Variants in FKBP5 observed in about 807,000 individuals in gnomAD.
FKBP5 encodes the protein FKBP prolyl isomerase 5.
Under a neutral mutation model 50.5 loss-of-function variants are expected in FKBP5, and 23 were observed. The ratio of observed to expected loss-of-function variants is 0.46; its 90% CI spans 0.33 to 0.65. The LOEUF is 0.65. Ranked by LOEUF, FKBP5 falls within the 30% of genes least tolerant of loss-of-function variation. The pLI is 0.02. For synonymous variants in FKBP5, 176 were observed against 190.6 expected (o/e 0.92, Z 0.63); for missense variants, 411 against 553.1 (o/e 0.74, Z 2.58).
chr6:35,596,588 C>T (rs1581798194), intron 6 of FKBP5, among the ~76,000 whole-genome samples: 1 of 152,010 alleles, frequency 6.6e-6, no homozygotes, highest in South Asian at 2.1e-4. Context: ...CAAAACACCC[C>T]GGGTTCTCTC....
At chr6:35,718,588 G>GTATAA (rs1392644900) in intron 2 of FKBP5, among the ~76,000 whole-genome samples, 1 of 152,148 alleles carries the variant, frequency 6.6e-6, no homozygotes, top group Non-Finnish European at 1.5e-5. Flanking sequence ...TACAAAGGAG[G>GTATAA]TATAAGGCCC....
chr6:35,616,799 G>A (rs2150975858), intron 5 of FKBP5, among the ~76,000 whole-genome samples: 1 of 152,154 alleles, frequency 6.6e-6, no homozygotes, highest in Admixed American at 6.5e-5. Flanking sequence ...ATCCATAGGA[G>A]TAAACCTCTA....
intron 2 of FKBP5, among the ~76,000 whole-genome samples, chr6:35,641,110 T>G (rs991925958): frequency 3.9e-5 from 6 of 152,150 alleles, no homozygotes; most frequent in African/African-American, 1.4e-4. Context: ...TCCTGAGTAG[T>G]AGAAACTACA....
intron 5 of FKBP5, among the ~76,000 whole-genome samples, chr6:35,609,214 T>C (rs964331971): frequency 5.9e-5 from 9 of 152,222 alleles, no homozygotes; most frequent in African/African-American, 1.9e-4. Context: ...TGCCTTGAGT[T>C]GTTGCTTCTT....
intron 5 of FKBP5, among the ~76,000 whole-genome samples, chr6:35,601,834 T>C (rs1399745477): frequency 2.6e-5 from 4 of 152,178 alleles, no homozygotes; most frequent in Non-Finnish European, 5.9e-5. Context: ...CTTAGGGCTT[T>C]TTTGGTAGAG....
At chr6:35,721,050 G>A (rs1766601515) in intron 1 of FKBP5, among the ~76,000 whole-genome samples, 1 of 152,152 alleles carries the variant, frequency 6.6e-6, no homozygotes. Flanking sequence ...TGACTGTCCA[G>A]AAGACAATAA....
chr6:35,727,812 C>T (rs1468775135), intron 1 of FKBP5, among the ~76,000 whole-genome samples: 1 of 152,204 alleles, frequency 6.6e-6, no homozygotes, highest in African/African-American at 2.4e-5. Context: ...GCTCCTTCTG[C>T]TCGTAGAGCT....
chr6:35,721,782 G>A (rs577315647), intron 1 of FKBP5, among the ~76,000 whole-genome samples: 218 of 152,334 alleles, frequency 1.4e-3, no homozygotes, highest in African/African-American at 4.8e-3. Context: ...GCCAAAATGC[G>A]TACTCCCAGT....
At chr6:35,654,157 C>A (rs898104597) in intron 1 of FKBP5, among the ~76,000 whole-genome samples, 1 of 152,168 alleles carries the variant, frequency 6.6e-6, no homozygotes, top group Non-Finnish European at 1.5e-5. Context: ...TTATTTGCAG[C>A]AAACAACCAC....
In FKBP5 at chr6:35,613,297, C is replaced by A. The variant is rs1763547626; in HGVS notation, c.508+5799G>T. On this transcript the variant is annotated intron_variant, in intron 5 of 10. Coordinates refer to ENST00000357266, the MANE Select transcript of FKBP5 (RefSeq NM_004117.4). The stretch of plus-strand genomic sequence containing the variant: ...TGGCGTAATCTCTGCTCACTGCAAC[C>A]TCCACCTCCCAGGATCAAGCAATTC... Among the ~76,000 whole-genome samples the A allele has an allele frequency of 2.0e-5, 3 of 152,132 alleles. No individual in the cohort carries two copies. The South Asian group carries it at 6.2e-4, about 32-fold the overall frequency.
At chr6:35,605,383 CTTTTTTTTTTTTTTTTTT>C (rs1158530509) in intron 5 of FKBP5, among the ~76,000 whole-genome samples, 1 of 52,268 alleles carries the variant, frequency 1.9e-5, no homozygotes, top group Non-Finnish European at 3.5e-5. Context: ...ATGACAATAT[CTTTTTTTTTTTTTTTTTT>C]TTTTTTTTTT....
At chr6:35,591,591 A>G (rs1762821639) in intron 6 of FKBP5, among the ~76,000 whole-genome samples, 1 of 151,900 alleles carries the variant, frequency 6.6e-6, no homozygotes, top group African/African-American at 2.4e-5. Flanking sequence ...TTTTCCCCTA[A>G]GTTTTATCAG....
intron 1 of FKBP5, among the ~76,000 whole-genome samples, chr6:35,682,402 A>C (rs914577256): frequency 3.9e-5 from 6 of 152,206 alleles, no homozygotes; most frequent in Non-Finnish European, 7.3e-5. Flanking sequence ...TTGACTTTCA[A>C]ATTCACTGTG....
At chr6:35,646,720 TAA>T (rs1764640325) in intron 1 of FKBP5, among the ~76,000 whole-genome samples, 1 of 152,190 alleles carries the variant, frequency 6.6e-6, no homozygotes, top group South Asian at 2.1e-4. Context: ...TAATCTATGA[TAA>T]AGCTTACTGT....
At chr6:35,652,437 G>A (rs1244617652) in intron 1 of FKBP5, among the ~76,000 whole-genome samples, 2 of 152,286 alleles carry the variant, frequency 1.3e-5, no homozygotes, top group East Asian at 3.9e-4. Context: ...TTCTCAGCAT[G>A]GAAAGTCCCT....
intron 1 of FKBP5, among the ~76,000 whole-genome samples, chr6:35,665,261 G>A (rs9380525): frequency 2.0e-5 from 3 of 151,290 alleles, no homozygotes; most frequent in Non-Finnish European, 2.9e-5. Context: ...AGGGTCTTCT[G>A]CTCCTTTAGA....
rs1158530509 is a variant in FKBP5, at chr6:35,605,383, C to CTTTTTTTTT, written c.509-7988_509-7980dup. ...TAATAAGAGCCACCTATGACAATATCTTTTTTTTTTTTTTTTTTTTTTTTT... is the reference window on the plus strand; with the variant it reads ...TAATAAGAGCCACCTATGACAATATCTTTTTTTTTTTTTTTTTTTTTTTTTTTTTTTTTT... On this transcript the variant is annotated intron_variant, in intron 5 of 10. Transcript: ENST00000357266. Among the ~76,000 whole-genome samples, 16 of 52,312 alleles carry CTTTTTTTTT rather than the reference C, an allele frequency of 3.1e-4. 2 individuals carry two copies. The highest frequency in any genetic ancestry group is 2.0e-3 in the South Asian group (2 of 988). The allele number at this position is 52,312 out of a possible 152,430, so 34.3% of individuals were successfully genotyped here. A position where few individuals can be genotyped will look rare whatever the true frequency, so the allele number is the denominator to read the frequency against.
At chr6:35,642,142 C>A (rs961406326) in intron 2 of FKBP5, among the ~76,000 whole-genome samples, 3 of 151,960 alleles carry the variant, frequency 2.0e-5, no homozygotes, top group Non-Finnish European at 4.4e-5. Flanking sequence ...AAAATAGTAA[C>A]CTATTTGTAT....
upstream of FKBP5, among the ~76,000 whole-genome samples, chr6:35,693,859 T>C (rs1766041171): frequency 6.6e-6 from 1 of 151,588 alleles, no homozygotes; most frequent in East Asian, 1.9e-4. Flanking sequence ...TGCCACTTCA[T>C]GTATTTCCCA....
Sources: allele counts gnomAD v4.1 joint callset (sites outside exome capture counted in the v4.1 genomes callset), GRCh38; gene constraint gnomAD v4.1.1; transcripts MANE v1.5; gene names NCBI Gene and HGNC (gene_info 2026-07-23, HGNC 2026-07-21).